Variants in HIBCH observed in about 807,000 individuals in gnomAD.
HIBCH encodes the protein 3-hydroxyisobutyryl-CoA hydrolase, also known as 3-hydroxyisobutyryl-CoA hydrolase, mitochondrial.
A neutral mutation model predicts 58.2 loss-of-function variants in HIBCH; 50 were observed. That is an observed-to-expected ratio of 0.86 (90% CI 0.68 to 1.09). The LOEUF (loss-of-function observed/expected upper bound fraction) is 1.09, where lower values mean the gene tolerates loss of function less well. Ranked by LOEUF, HIBCH falls within the 50% of genes least tolerant of loss-of-function variation. The pLI, the probability that HIBCH is intolerant of heterozygous loss-of-function variation, is 0.00. For synonymous variants in HIBCH, 151 were observed against 146.9 expected (o/e 1.03, Z -0.20); for missense variants, 450 against 449.7 (o/e 1.00, Z -0.01).
chr2:190,243,962 T>G lies in HIBCH; in HGVS notation c.891+925A>C, dbSNP rs1277705192. Among the ~76,000 whole-genome samples, 2 of 152,140 alleles carry G rather than the reference T, an allele frequency of 1.3e-5. No homozygotes were observed. The highest frequency in any genetic ancestry group is 2.9e-5 in the Non-Finnish European group (2 of 68,030). On this transcript the variant is annotated intron_variant, in intron 11 of 13. Transcript: ENST00000359678. This position sits in a 1 kb window ranked among gnomAD's most constrained non-coding sequence, Gnocchi z 4.1. ...TCCAGCCTGGGGAACAGGGCAAGAT[T>G]CTGTCTCAAAAAAACGAAAACAAAA... is the stretch of plus-strand genomic sequence containing the variant.
At chr2:190,238,359 C>G (rs1292999542) in intron 11 of HIBCH, among the ~76,000 whole-genome samples, 1 of 152,176 alleles carries the variant, frequency 6.6e-6, no homozygotes, top group Non-Finnish European at 1.5e-5. Context: ...TTAATGATCT[C>G]CATTCTAACT....
chr2:190,303,439 CA>C (rs34960257), intron 2 of HIBCH, among the ~76,000 whole-genome samples: 91,921 of 131,610 alleles, frequency 0.7, 31,167 homozygotes, highest in South Asian at 0.74. Flanking sequence ...AGGAAATGTT[CA>C]AAAAAAAAAA....
intron 11 of HIBCH, among the ~76,000 whole-genome samples, chr2:190,226,595 C>CAAAAA (rs752856547): frequency 6.8e-5 from 2 of 29,398 alleles, no homozygotes; most frequent in Non-Finnish European, 1.3e-4. Context: ...AACTCCGTCT[C>CAAAAA]AAAAAAAAAA....
intron 6 of HIBCH, among the ~76,000 whole-genome samples, chr2:190,264,236 A>C (rs1575734569): frequency 6.8e-6 from 1 of 146,078 alleles, no homozygotes. Flanking sequence ...CCACTTTCTC[A>C]CTTCCCCTCC....
chr2:190,246,289 C>T (rs1559031697), intron 9 of HIBCH, 77 bp from the exon 10 acceptor site: 2 of 821,492 alleles, frequency 2.4e-6, no homozygotes, highest in East Asian at 2.7e-5. Context: ...TAATGATACA[C>T]TTTGTGAAAG....
intron 7 of HIBCH, among the ~76,000 whole-genome samples, chr2:190,257,726 G>A (rs1313775939): frequency 6.6e-6 from 1 of 152,086 alleles, no homozygotes; most frequent in Non-Finnish European, 1.5e-5. Flanking sequence ...AACATCACAC[G>A]AGGGCCTTCT....
At chr2:190,299,883 C>A (rs1688215912) in intron 2 of HIBCH, among the ~76,000 whole-genome samples, 2 of 152,112 alleles carry the variant, frequency 1.3e-5, no homozygotes, top group African/African-American at 4.8e-5. Flanking sequence ...GTGTTCACAT[C>A]ATTTAGCTCC....
Position 190,205,175 on chromosome 2 carries a change from G to A in HIBCH, c.1103C>T (p.Thr368Ile), listed in dbSNP as rs142607404. The stretch of plus-strand genomic sequence containing the variant: ...AAAGTGATTATTCAAATCTTCCTCA[G>A]TAACTTCTTTTAGATCAGCTGGTTT... ...KWKPADLKEVTEEDLNNHFKS... is the reference protein window; with the variant it reads ...KWKPADLKEVIEEDLNNHFKS... The change falls in exon 14 of 14, where the codon ACT (threonine) becomes ATT (isoleucine). Residue 368 changes from threonine to isoleucine, a missense_variant. Transcript: ENST00000359678. The A allele has an allele frequency of 2.0e-5, 32 of 1,611,328 alleles. No individual in the cohort carries two copies. The highest frequency in any genetic ancestry group is 2.6e-5 in the Non-Finnish European group (31 of 1,178,216).
chr2:190,257,832 GC>G (rs1376571795), intron 7 of HIBCH, among the ~76,000 whole-genome samples: 7 of 152,196 alleles, frequency 4.6e-5, no homozygotes, highest in Non-Finnish European at 7.4e-5. Context: ...GAACTAACCT[GC>G]AAAAACTGGA....
At chr2:190,226,198 C>T (rs1685887001) in intron 11 of HIBCH, among the ~76,000 whole-genome samples, 1 of 152,158 alleles carries the variant, frequency 6.6e-6, no homozygotes, top group African/African-American at 2.4e-5. Flanking sequence ...TAAACTGGCA[C>T]AAGACAGGGA....
At chr2:190,285,765 A>G (rs1232220380) in intron 6 of HIBCH, among the ~76,000 whole-genome samples, 1 of 152,098 alleles carries the variant, frequency 6.6e-6, no homozygotes, top group African/African-American at 2.4e-5. Context: ...CTTGGAGGCC[A>G]CTGTGACCTC....
intron 11 of HIBCH, among the ~76,000 whole-genome samples, chr2:190,237,576 G>A (rs1372992249): frequency 6.6e-6 from 1 of 152,122 alleles, no homozygotes; most frequent in East Asian, 1.9e-4. Flanking sequence ...GCAGAGTGGG[G>A]CTGTTGGGTC....
At chr2:190,317,775 CAA>C (rs1559070176) in intron 1 of HIBCH, among the ~76,000 whole-genome samples, 2 of 151,622 alleles carry the variant, frequency 1.3e-5, no homozygotes, top group African/African-American at 2.4e-5. Flanking sequence ...CCAAGAGAGA[CAA>C]AGAGTAAGGG....
In HIBCH at chr2:190,205,049, C is replaced by G; in HGVS notation, c.*68G>C. On this transcript the variant is annotated 3_prime_UTR_variant, in exon 14 of 14. Transcript: ENST00000359678. Reference sequence around the variant, plus strand: ...AGGGTATATAAAAACAGGCAGCAGGCTGGATTTGGCCCACATGCTGTAGAT... The same window carrying G: ...AGGGTATATAAAAACAGGCAGCAGGGTGGATTTGGCCCACATGCTGTAGAT... 1.2e-6 allele frequency: 1 copy of G among 805,950 alleles called. No homozygotes were observed. The highest frequency in any genetic ancestry group is 2.2e-6 in the Non-Finnish European group (1 of 458,362). 49.9% of individuals were successfully genotyped at this position (805,950 alleles called of 1,614,324 possible). A position where few individuals can be genotyped will look rare whatever the true frequency, so the allele number is the denominator to read the frequency against.
intron 1 of HIBCH, among the ~76,000 whole-genome samples, chr2:190,313,984 A>C (rs1159220644): frequency 6.6e-6 from 1 of 152,138 alleles, no homozygotes; most frequent in Non-Finnish European, 1.5e-5. Flanking sequence ...GGAGATTTTA[A>C]GCATAAAAAT....
At chr2:190,265,797 G>A (rs1428081548) in intron 6 of HIBCH, among the ~76,000 whole-genome samples, 3 of 152,046 alleles carry the variant, frequency 2.0e-5, no homozygotes, top group Admixed American at 6.6e-5. Flanking sequence ...CCATAAAGTT[G>A]TACATAACAT....
intron 11 of HIBCH, chr2:190,213,419 G>C (rs1225567189): frequency 3.4e-6 from 1 of 292,580 alleles, no homozygotes; most frequent in Non-Finnish European, 6.6e-6. Flanking sequence ...ATGGAGTATA[G>C]AAAATAACGC....
chr2:190,210,115 T>C lies in HIBCH; in HGVS notation c.1012-1202A>G, dbSNP rs966443813. ...TTTGATTCCACAGTCCCAGCTTCTA[T>C]CCTATTTCACTTTCAAGAGTATTCA... is the stretch of plus-strand genomic sequence containing the variant. On this transcript the variant is annotated intron_variant, in intron 12 of 13. Transcript: ENST00000359678. The surrounding 1 kb of genome is among the most constrained non-coding windows in gnomAD (Gnocchi z 5.5). 1.3e-5 allele frequency among the ~76,000 whole-genome samples: 2 copies of C among 152,150 alleles called. No individual in the cohort carries two copies. The highest frequency in any genetic ancestry group is 4.8e-5 in the African/African-American group (2 of 41,438).
intron 6 of HIBCH, among the ~76,000 whole-genome samples, chr2:190,268,720 T>C (rs963156005): frequency 1.3e-5 from 2 of 152,216 alleles, no homozygotes; most frequent in African/African-American, 2.4e-5. Context: ...TTTCCAGATA[T>C]TACTATTCTA....
Sources: allele counts gnomAD v4.1 joint callset (sites outside exome capture counted in the v4.1 genomes callset), GRCh38; gene constraint gnomAD v4.1.1; non-coding constraint Gnocchi (gnomAD v3.1); transcripts MANE v1.5; gene names NCBI Gene and HGNC (gene_info 2026-07-23, HGNC 2026-07-21).